The following PDE3A variants were observed in gnomAD, a reference collection of about 807,000 sequenced individuals.
PDE3A encodes the protein phosphodiesterase 3A.
In PDE3A, 43 loss-of-function variants were observed where a neutral mutation model predicts 98.3. The ratio of observed to expected loss-of-function variants is 0.44; its 90% confidence interval spans 0.34 to 0.56. The LOEUF is 0.56. Among genes scored for constraint, PDE3A ranks in the 20% least tolerant of loss-of-function variants. The pLI, the probability that PDE3A is intolerant of heterozygous loss-of-function variation, is 0.01. For missense variants in PDE3A, 1,427 were observed against 1,440.7 expected (o/e 0.99, Z 0.15); for synonymous variants, 663 against 567.9 (o/e 1.17, Z -2.38).
chr12:20,555,212 C>T (rs888244944), intron 1 of PDE3A, among the ~76,000 whole-genome samples: 1 of 152,116 alleles, frequency 6.6e-6, no homozygotes, highest in Non-Finnish European at 1.5e-5. Flanking sequence ...TTAGTAGAGA[C>T]AGGGTTGACC....
rs765996215 is a variant in PDE3A, at chr12:20,369,918, G to A, written c.634G>A (p.Val212Ile). 3.7e-6 allele frequency: 6 copies of A among 1,613,456 alleles called. No homozygotes were observed. The highest frequency in any genetic ancestry group is 1.7e-6 in the Non-Finnish European group (2 of 1,179,978). Residue 212 changes from valine to isoleucine, a missense_variant, in exon 1 of 16, where the codon GTC (valine) becomes ATC (isoleucine). Transcript: ENST00000359062. Reference protein sequence around the residue: ...TWLVLRLRLGVLMIALTSAVR... With the variant: ...TWLVLRLRLGILMIALTSAVR... ...GCTGGTGCTGAGGCTGAGGCTGGGC[G>A]TCCTCATGATCGCCTTGACTAGCGC...
At chr12:20,390,163 G>A (rs1424655897) in intron 1 of PDE3A, among the ~76,000 whole-genome samples, 1 of 151,876 alleles carries the variant, frequency 6.6e-6, no homozygotes, top group South Asian at 2.1e-4. Flanking sequence ...GGGATGCTGG[G>A]AAATTTTAAG....
intron 1 of PDE3A, among the ~76,000 whole-genome samples, chr12:20,430,395 T>G (rs948337750): frequency 6.6e-6 from 1 of 152,150 alleles, no homozygotes; most frequent in African/African-American, 2.4e-5. Flanking sequence ...ATCAAGGAAG[T>G]TTCTGCTGAG....
intron 1 of PDE3A, chr12:20,450,230 G>A: frequency 4.2e-6 from 1 of 239,020 alleles, no homozygotes; most frequent in Non-Finnish European, 8.1e-6. Flanking sequence ...GCTTACTAGA[G>A]TTGTCTAGTT....
At chr12:20,581,706 G>A (rs10841568) in intron 2 of PDE3A, among the ~76,000 whole-genome samples, 25,181 of 148,976 alleles carry the variant, frequency 0.17, 2,139 homozygotes, top group Middle Eastern at 0.25. Flanking sequence ...TCCGCCTCCC[G>A]GGTTCACGCC....
chr12:20,420,156 T>C (rs146313908), intron 1 of PDE3A, among the ~76,000 whole-genome samples: 4 of 152,182 alleles, frequency 2.6e-5, no homozygotes, highest in Non-Finnish European at 4.4e-5. Flanking sequence ...GGTGCAAGTA[T>C]AGAAAGAACA....
At chr12:20,376,417 C>CA (rs1943571826) in intron 1 of PDE3A, among the ~76,000 whole-genome samples, 1 of 151,842 alleles carries the variant, frequency 6.6e-6, no homozygotes. Context: ...GGAGCCAACT[C>CA]TAAATTCTCA....
intron 1 of PDE3A, among the ~76,000 whole-genome samples, chr12:20,453,283 C>T (rs1945098949): frequency 6.7e-6 from 1 of 149,760 alleles, no homozygotes; most frequent in African/African-American, 2.5e-5. Flanking sequence ...AAGCAGTTCT[C>T]TTGCCTCAGC....
At chr12:20,395,280 A>G (rs1416529673) in intron 1 of PDE3A, among the ~76,000 whole-genome samples, 1 of 152,002 alleles carries the variant, frequency 6.6e-6, no homozygotes, top group African/African-American at 2.4e-5. Context: ...CCTGGAAAGT[A>G]TTACATGTTC....
intron 2 of PDE3A, among the ~76,000 whole-genome samples, chr12:20,569,220 T>C (rs1406863917): frequency 6.6e-6 from 1 of 152,096 alleles, no homozygotes; most frequent in Non-Finnish European, 1.5e-5. Context: ...AAATCATCCC[T>C]ATGATGGTCA....
intron 1 of PDE3A, among the ~76,000 whole-genome samples, chr12:20,496,466 C>T (rs553901612): frequency 6.6e-6 from 1 of 151,524 alleles, no homozygotes; most frequent in Non-Finnish European, 1.5e-5. Flanking sequence ...AGAGATCTGA[C>T]GTGACAGCTC....
chr12:20,673,792 T>A (rs1945557238), intron 15 of PDE3A, among the ~76,000 whole-genome samples: 1 of 150,688 alleles, frequency 6.6e-6, no homozygotes, highest in Admixed American at 6.6e-5. Flanking sequence ...GGCACATGTA[T>A]ACATATGTAA....
chr12:20,609,795 G>A (rs1310665835), intron 2 of PDE3A, among the ~76,000 whole-genome samples: 1 of 151,968 alleles, frequency 6.6e-6, no homozygotes, highest in South Asian at 2.1e-4. Flanking sequence ...GGACACAGGT[G>A]GAAAGGGGAG....
intron 1 of PDE3A, among the ~76,000 whole-genome samples, chr12:20,498,274 A>T (rs1945959575): frequency 1.3e-5 from 2 of 151,322 alleles, no homozygotes; most frequent in Non-Finnish European, 3.0e-5. Flanking sequence ...TATACCGCCC[A>T]CCCCCCCAAC....
chr12:20,394,994 C>T (rs1034712225), intron 1 of PDE3A, among the ~76,000 whole-genome samples: 1 of 152,006 alleles, frequency 6.6e-6, no homozygotes, highest in African/African-American at 2.4e-5. Context: ...ATCCATACTC[C>T]ATATGGAAAG....
chr12:20,545,235 A>C (rs1942019681), intron 1 of PDE3A, among the ~76,000 whole-genome samples: 1 of 152,084 alleles, frequency 6.6e-6, no homozygotes, highest in Non-Finnish European at 1.5e-5. Context: ...TATCATTGTG[A>C]TAACAGGGAC....
intron 1 of PDE3A, among the ~76,000 whole-genome samples, chr12:20,421,591 T>C (rs1046910421): frequency 3.4e-5 from 5 of 148,550 alleles, no homozygotes; most frequent in African/African-American, 5.1e-5. Context: ...CAGAGTTTTA[T>C]TGGTAATAAA....
At chr12:20,531,973 TG>T (rs1206262627) in intron 1 of PDE3A, among the ~76,000 whole-genome samples, 1 of 152,054 alleles carries the variant, frequency 6.6e-6, no homozygotes, top group Non-Finnish European at 1.5e-5. Context: ...TCTTATGTCC[TG>T]TGTGCAAGTC....
chr12:20,602,513 T>C (rs1171073158), intron 2 of PDE3A, among the ~76,000 whole-genome samples: 1 of 152,200 alleles, frequency 6.6e-6, no homozygotes, highest in Admixed American at 6.5e-5. Flanking sequence ...ACAGAGGCCA[T>C]GTATTCCATC....
Sources: allele counts gnomAD v4.1 joint callset (sites outside exome capture counted in the v4.1 genomes callset), GRCh38; gene constraint gnomAD v4.1.1; transcripts MANE v1.5; gene names NCBI Gene and HGNC (gene_info 2026-07-23, HGNC 2026-07-21).